Variants in KCNB2 observed in about 807,000 individuals in gnomAD.
KCNB2 encodes potassium voltage-gated channel subfamily B member 2.
A neutral mutation model predicts 61.5 loss-of-function variants in KCNB2; 15 were observed. That is an observed-to-expected ratio of 0.24 (90% CI 0.16 to 0.38). The LOEUF (loss-of-function observed/expected upper bound fraction) is 0.38. KCNB2 is among the 10% of genes least tolerant of loss of function. The pLI, the probability that KCNB2 is intolerant of heterozygous loss-of-function variation, is 1.00. For synonymous variants in KCNB2, 457 were observed against 446.0 expected, an observed-to-expected ratio of 1.02 and a Z score of -0.31; for missense variants, 828 against 1,125.2, an observed-to-expected ratio of 0.74 and a Z score of 3.78.
chr8:72,776,537 A>G (rs903234120), intron 2 of KCNB2, among the ~76,000 whole-genome samples: 1 of 152,140 alleles, frequency 6.6e-6, no homozygotes, highest in Non-Finnish European at 1.5e-5. Flanking sequence ...TCTGCTGGTG[A>G]GTATTTTTGG....
chr8:72,635,482 A>G (rs145662523), intron 2 of KCNB2, among the ~76,000 whole-genome samples: 23 of 152,264 alleles, frequency 1.5e-4, no homozygotes, highest in African/African-American at 5.1e-4. Flanking sequence ...AAGGAACTCC[A>G]TGTGATTCTG....
intron 2 of KCNB2, among the ~76,000 whole-genome samples, chr8:72,786,753 G>T (rs1193810815): frequency 6.6e-6 from 1 of 152,128 alleles, no homozygotes; most frequent in African/African-American, 2.4e-5. Flanking sequence ...TCAAACTGAT[G>T]ATGTCTATCT....
At chr8:72,622,764 T>C (rs568898196) in intron 2 of KCNB2, among the ~76,000 whole-genome samples, 1 of 152,218 alleles carries the variant, frequency 6.6e-6, no homozygotes, top group Non-Finnish European at 1.5e-5. Context: ...ACATAACCTG[T>C]ATTCAGTAGA....
chr8:72,568,922 T>A (rs1029493029), intron 2 of KCNB2, among the ~76,000 whole-genome samples: 5 of 145,528 alleles, frequency 3.4e-5, no homozygotes, highest in African/African-American at 1.0e-4. Context: ...GACTGTTAAT[T>A]TTTTTTTTTT....
chr8:72,873,567 C>T (rs566701649), intron 2 of KCNB2, among the ~76,000 whole-genome samples: 1 of 152,338 alleles, frequency 6.6e-6, no homozygotes, highest in South Asian at 2.1e-4. Context: ...ATGTCATTTG[C>T]TATCCATAAG....
chr8:72,769,505 CA>C (rs1808525632), intron 2 of KCNB2, among the ~76,000 whole-genome samples: 1 of 152,142 alleles, frequency 6.6e-6, no homozygotes, highest in African/African-American at 2.4e-5. Flanking sequence ...TTAATTCTGC[CA>C]GGGGTGCAAT....
chr8:72,726,652 G>A (rs1402171727), intron 2 of KCNB2, among the ~76,000 whole-genome samples: 1 of 152,022 alleles, frequency 6.6e-6, no homozygotes, highest in Non-Finnish European at 1.5e-5. Flanking sequence ...ACAAATAATT[G>A]TTTCTAAGAG....
intron 2 of KCNB2, among the ~76,000 whole-genome samples, chr8:72,647,014 T>C (rs72668166): frequency 0.029 from 4,409 of 152,220 alleles, 98 homozygotes; most frequent in Middle Eastern, 0.082. Context: ...ATGGAAGAGC[T>C]AAAAATGGAA....
intron 2 of KCNB2, among the ~76,000 whole-genome samples, chr8:72,677,193 C>T (rs988314220): frequency 2.0e-5 from 3 of 152,188 alleles, no homozygotes; most frequent in Non-Finnish European, 1.5e-5. Context: ...AGGCCTGGAA[C>T]AGATCTCTCC....
intron 1 of KCNB2, among the ~76,000 whole-genome samples, chr8:72,539,182 T>G (rs1279469843): frequency 6.6e-6 from 1 of 152,222 alleles, no homozygotes; most frequent in Non-Finnish European, 1.5e-5. Flanking sequence ...TGTTCTTAAA[T>G]TAACTCAAAC....
chr8:72,920,770 T>A (rs1279100902), intron 2 of KCNB2, among the ~76,000 whole-genome samples: 1 of 152,044 alleles, frequency 6.6e-6, no homozygotes, highest in Admixed American at 6.6e-5. Flanking sequence ...TTAATGAAAA[T>A]GTATCAACCC....
chr8:72,713,708 G>GA (rs1199570315), intron 2 of KCNB2, among the ~76,000 whole-genome samples: 1 of 152,090 alleles, frequency 6.6e-6, no homozygotes, highest in Non-Finnish European at 1.5e-5. Context: ...CAAAGATGGG[G>GA]AAAAAACAGA....
chr8:72,729,197 G>A (rs1182990077), intron 2 of KCNB2, among the ~76,000 whole-genome samples: 1 of 152,228 alleles, frequency 6.6e-6, no homozygotes, highest in African/African-American at 2.4e-5. Context: ...CATAGGAAGT[G>A]CTGAGGAAAT....
chr8:72,835,426 T>C (rs1809765346), intron 2 of KCNB2, among the ~76,000 whole-genome samples: 1 of 152,152 alleles, frequency 6.6e-6, no homozygotes, highest in African/African-American at 2.4e-5. Context: ...GATGGAGAGT[T>C]CTCAAGGCAG....
At chr8:72,694,425 G>A (rs1378793493) in intron 2 of KCNB2, among the ~76,000 whole-genome samples, 1 of 152,114 alleles carries the variant, frequency 6.6e-6, no homozygotes, top group Non-Finnish European at 1.5e-5. Context: ...ATTTTATAAA[G>A]AGAAATCTGC....
At chr8:72,568,452 A>G (rs1304177795) in intron 2 of KCNB2, 139 bp downstream of exon 2, 4 of 698,790 alleles carry the variant, frequency 5.7e-6, no homozygotes, top group Admixed American at 6.1e-5. Context: ...ATCCTTTCCA[A>G]AATCTTATTT....
At position 72,754,486 on chromosome 8, in the gene KCNB2, G is replaced by A. The variant is rs1808252218; in HGVS notation, c.580-181449G>A. 2.6e-5 allele frequency among the ~76,000 whole-genome samples: 4 copies of A among 152,096 alleles called. No homozygotes were observed. The South Asian group carries it at 8.3e-4, about 32-fold the overall frequency. ...GGGGACCCTTCCATTGTAATTCAAG[G>A]AGCTGTAATCCCAAAAGGGTATGGA... On this transcript the variant is annotated intron_variant, in intron 2 of 2. Coordinates refer to ENST00000523207, the MANE Select transcript of KCNB2 (RefSeq NM_004770.3).
At position 72,640,650 on chromosome 8, in the gene KCNB2, G is replaced by A. The variant is rs144925180; in HGVS notation, c.579+72337G>A. On this transcript the variant is annotated intron_variant, in intron 2 of 2. Coordinates refer to ENST00000523207, the MANE Select transcript of KCNB2 (RefSeq NM_004770.3). Reference sequence around the variant, plus strand: ...CTTTACAAAATCAGATCCTAAATAGGAGACTATAAGAAAGTCTGCAAAGTG... The same window carrying A: ...CTTTACAAAATCAGATCCTAAATAGAAGACTATAAGAAAGTCTGCAAAGTG... 5.6e-4 allele frequency among the ~76,000 whole-genome samples: 85 copies of A among 151,908 alleles called. 1 individual carries two copies. Among genetic ancestry groups the A allele is most frequent in the African/African-American group, 2.0e-3 (81 of 41,432 alleles).
chr8:72,585,503 T>C (rs945275132), intron 2 of KCNB2, among the ~76,000 whole-genome samples: 3 of 152,218 alleles, frequency 2.0e-5, no homozygotes, highest in Non-Finnish European at 4.4e-5. Flanking sequence ...ATTAATCACA[T>C]GATCAATAAA....
Sources: gnomAD v4.1 joint callset for allele counts (sites outside exome capture counted in the v4.1 genomes callset) on GRCh38, gnomAD v4.1.1 for gene constraint, MANE v1.5 for transcripts, NCBI Gene and HGNC (gene_info 2026-07-23, HGNC 2026-07-21) for gene names.